Variants in C12orf54 observed in about 807,000 individuals in gnomAD.
The protein encoded by C12orf54 is uncharacterized protein C12orf54.
In C12orf54, 24 loss-of-function variants were observed where a neutral mutation model predicts 26.4. That is an observed-to-expected ratio of 0.91 (90% CI 0.66 to 1.28). The LOEUF (loss-of-function observed/expected upper bound fraction) is 1.28. C12orf54 is among the 50% of genes most tolerant of loss of function. The pLI is 0.00. For missense variants in C12orf54, 154 were observed against 150.9 expected, an observed-to-expected ratio of 1.02 and a Z score of -0.11; for synonymous variants, 54 against 47.0, an observed-to-expected ratio of 1.15 and a Z score of -0.61.
chr12:48,480,374 G>A (rs1307116065), upstream of C12orf54, among the ~76,000 whole-genome samples: 3 of 152,088 alleles, frequency 2.0e-5, no homozygotes, highest in Admixed American at 2.0e-4. Flanking sequence ...TTTGTCAGAT[G>A]CATAGTTTGC....
chr12:48,484,773 A>C (rs1384804920), intron 2 of C12orf54, among the ~76,000 whole-genome samples: 1 of 152,258 alleles, frequency 6.6e-6, no homozygotes, highest in Non-Finnish European at 1.5e-5. Flanking sequence ...GTTTGAGGTG[A>C]TGGATATCCT....
chr12:48,432,434 C>T, the C12orf54 span, among the ~76,000 whole-genome samples: 6 of 152,296 alleles, frequency 3.9e-5, no homozygotes, highest in East Asian at 7.7e-4. Flanking sequence ...AAAGAACTCT[C>T]TTAATAACTT....
chr12:48,463,852 C>T, the C12orf54 span, among the ~76,000 whole-genome samples: 1 of 152,036 alleles, frequency 6.6e-6, no homozygotes, highest in African/African-American at 2.4e-5. Context: ...TCAATAGATG[C>T]AGAAAAGGCT....
At chr12:48,447,807 T>C in the C12orf54 span, among the ~76,000 whole-genome samples, 28 of 152,332 alleles carry the variant, frequency 1.8e-4, no homozygotes, top group Middle Eastern at 3.4e-3. Flanking sequence ...TCTTGGATTA[T>C]CCAGGTGGAT....
At chr12:48,428,609 C>A in the C12orf54 span, among the ~76,000 whole-genome samples, 1 of 151,952 alleles carries the variant, frequency 6.6e-6, no homozygotes, top group Non-Finnish European at 1.5e-5. Context: ...ACCCTCCTAC[C>A]TTAAATCAGA....
chr12:48,430,811 G>T, the C12orf54 span, among the ~76,000 whole-genome samples: 1 of 152,150 alleles, frequency 6.6e-6, no homozygotes, highest in African/African-American at 2.4e-5. Flanking sequence ...CTACCCAGAG[G>T]AAAATCAATC....
chr12:48,428,631 A>T, the C12orf54 span, among the ~76,000 whole-genome samples: 1 of 152,086 alleles, frequency 6.6e-6, no homozygotes, highest in Non-Finnish European at 1.5e-5. Context: ...ACAATTAGAT[A>T]CCCTAAACAG....
At chr12:48,489,816 A>T (rs924210469) in intron 5 of C12orf54, among the ~76,000 whole-genome samples, 1 of 151,176 alleles carries the variant, frequency 6.6e-6, no homozygotes, top group African/African-American at 2.4e-5. Flanking sequence ...CCGCCTCCCG[A>T]GTTCCAGTGA....
At chr12:48,452,173 T>C in the C12orf54 span, among the ~76,000 whole-genome samples, 1 of 152,022 alleles carries the variant, frequency 6.6e-6, no homozygotes, top group African/African-American at 2.4e-5. Flanking sequence ...AACCCAGAAA[T>C]AAGACCACAC....
chr12:48,441,757 G>C, the C12orf54 span, among the ~76,000 whole-genome samples: 1 of 152,146 alleles, frequency 6.6e-6, no homozygotes, highest in Non-Finnish European at 1.5e-5. Context: ...TAAGCAAGAG[G>C]CTTATCCATC....
chr12:48,485,498 G>A (rs1432157684), intron 2 of C12orf54, among the ~76,000 whole-genome samples: 1 of 152,160 alleles, frequency 6.6e-6, no homozygotes, highest in Non-Finnish European at 1.5e-5. Context: ...TGGGCAAGGA[G>A]ATGAAGCTGA....
the C12orf54 span, among the ~76,000 whole-genome samples, chr12:48,460,175 A>G: frequency 6.6e-6 from 1 of 151,352 alleles, no homozygotes; most frequent in African/African-American, 2.4e-5. Context: ...CTAGGCTTAC[A>G]GAGTTTATTC....
the C12orf54 span, among the ~76,000 whole-genome samples, chr12:48,435,166 A>T: frequency 1.3e-5 from 2 of 152,208 alleles, no homozygotes; most frequent in Non-Finnish European, 2.9e-5. Context: ...TATCAGCGAT[A>T]GAAGATGAAA....
the C12orf54 span, among the ~76,000 whole-genome samples, chr12:48,476,472 C>T: frequency 2.6e-5 from 4 of 152,104 alleles, no homozygotes. Context: ...AGAGTCAAGA[C>T]CCATCAGTGT....
At chr12:48,419,524 T>C in the C12orf54 span, among the ~76,000 whole-genome samples, 1 of 152,138 alleles carries the variant, frequency 6.6e-6, no homozygotes, top group African/African-American at 2.4e-5. Context: ...GAGTCAATTC[T>C]GAGAGCAGAT....
intron 6 of C12orf54, 159 bp from the exon 7 acceptor site, chr12:48,492,788 G>T (rs1937819465): frequency 1.1e-5 from 7 of 631,126 alleles, no homozygotes; most frequent in Non-Finnish European, 2.0e-5. Context: ...GCCACATTCT[G>T]CAACTGCCTC....
the C12orf54 span, among the ~76,000 whole-genome samples, chr12:48,431,607 T>C: frequency 2.6e-5 from 4 of 152,048 alleles, no homozygotes; most frequent in Non-Finnish European, 5.9e-5. Context: ...AATAAAAAAT[T>C]TTCTCAACAA....
At chr12:48,421,536 T>C in the C12orf54 span, among the ~76,000 whole-genome samples, 3 of 142,800 alleles carry the variant, frequency 2.1e-5, no homozygotes, top group African/African-American at 7.9e-5. Flanking sequence ...TTTTTTTTTT[T>C]TTTTTAGATG....
the C12orf54 span, among the ~76,000 whole-genome samples, chr12:48,414,311 G>T: frequency 6.6e-6 from 1 of 152,208 alleles, no homozygotes; most frequent in African/African-American, 2.4e-5. Context: ...CCTGACTACT[G>T]CCTCACTTGG....
Sources: allele counts gnomAD v4.1 joint callset (sites outside exome capture counted in the v4.1 genomes callset), GRCh38; gene constraint gnomAD v4.1.1; transcripts MANE v1.5; gene names NCBI Gene and HGNC (gene_info 2026-07-23, HGNC 2026-07-21).